ERC1: variants seen among roughly 807,000 people sequenced by gnomAD.
ERC1 encodes RAB6 interacting protein 2.
In ERC1, 56 loss-of-function variants were observed where a neutral mutation model predicts 132.0. That is an observed-to-expected ratio of 0.42 (90% CI 0.34 to 0.53). The LOEUF (loss-of-function observed/expected upper bound fraction) is 0.53. Ranked by LOEUF, ERC1 falls within the 20% of genes least tolerant of loss-of-function variation. The pLI is 0.03. For missense variants in ERC1, 1,202 were observed against 1,349.9 expected, an observed-to-expected ratio of 0.89 and a Z score of 1.72; for synonymous variants, 478 against 476.1, an observed-to-expected ratio of 1.00 and a Z score of -0.05.
At chr12:1,466,026 T>A (rs919822837) in intron 18 of ERC1, among the ~76,000 whole-genome samples, 1 of 152,162 alleles carries the variant, frequency 6.6e-6, no homozygotes, top group East Asian at 1.9e-4. Context: ...CCTTCCAGTG[T>A]ATAAACTGAT....
chr12:1,153,439 A>G (rs972932594), intron 8 of ERC1, among the ~76,000 whole-genome samples: 2 of 152,220 alleles, frequency 1.3e-5, no homozygotes, highest in African/African-American at 4.8e-5. Context: ...TTCCCATCCT[A>G]TTCCAAAGAG....
intron 8 of ERC1, among the ~76,000 whole-genome samples, chr12:1,165,036 G>A (rs1267957015): frequency 6.6e-6 from 1 of 152,134 alleles, no homozygotes; most frequent in Non-Finnish European, 1.5e-5. Context: ...CAACTTAAGA[G>A]TTGTTTTACC....
intron 6 of ERC1, among the ~76,000 whole-genome samples, chr12:1,113,681 G>A (rs1946135256): frequency 6.6e-6 from 1 of 152,192 alleles, no homozygotes; most frequent in South Asian, 2.1e-4. Flanking sequence ...CCATATATTG[G>A]CTAGAGGGAA....
At chr12:1,275,731 A>G (rs1189055927) in intron 14 of ERC1, among the ~76,000 whole-genome samples, 3 of 152,288 alleles carry the variant, frequency 2.0e-5, no homozygotes, top group African/African-American at 7.2e-5. Flanking sequence ...TGTTGCTATA[A>G]AGGAATTACC....
chr12:1,455,922 G>T (rs143016261), intron 18 of ERC1, among the ~76,000 whole-genome samples: 3 of 152,122 alleles, frequency 2.0e-5, no homozygotes, highest in Non-Finnish European at 4.4e-5. Context: ...AAGATGCGAC[G>T]GAGTGGGAAA....
intron 17 of ERC1, among the ~76,000 whole-genome samples, chr12:1,415,783 G>A (rs922326860): frequency 5.9e-5 from 9 of 152,224 alleles, no homozygotes; most frequent in African/African-American, 2.2e-4. Context: ...TTTCAGAAGT[G>A]GATCAGAGAT....
chr12:1,068,826 C>T (rs561002416), intron 2 of ERC1, among the ~76,000 whole-genome samples: 3 of 152,222 alleles, frequency 2.0e-5, no homozygotes, highest in Non-Finnish European at 2.9e-5. Context: ...CTCATTGGAG[C>T]ATTGCATAGT....
intron 2 of ERC1, among the ~76,000 whole-genome samples, chr12:1,081,781 A>G (rs1332552031): frequency 2.0e-5 from 3 of 152,152 alleles, no homozygotes; most frequent in African/African-American, 4.8e-5. Flanking sequence ...GATGTATAAC[A>G]TTGTACCTGT....
intron 7 of ERC1, among the ~76,000 whole-genome samples, chr12:1,129,703 A>G (rs184932456): frequency 1.3e-5 from 2 of 152,338 alleles, no homozygotes; most frequent in East Asian, 3.9e-4. Flanking sequence ...CTGAACTCTC[A>G]TCATTCTTCA....
chr12:1,365,461 A>G (rs1007834972), intron 15 of ERC1, among the ~76,000 whole-genome samples: 3 of 152,236 alleles, frequency 2.0e-5, no homozygotes, highest in Admixed American at 2.0e-4. Flanking sequence ...AGATACATTC[A>G]TTATGAGCCT....
intron 16 of ERC1, among the ~76,000 whole-genome samples, chr12:1,384,059 A>G (rs1222292480): frequency 6.6e-6 from 1 of 152,236 alleles, no homozygotes; most frequent in East Asian, 1.9e-4. Flanking sequence ...ATGTGTTACC[A>G]TCATTACAGC....
intron 18 of ERC1, among the ~76,000 whole-genome samples, chr12:1,484,553 T>C (rs1024020146): frequency 6.6e-6 from 1 of 151,844 alleles, no homozygotes; most frequent in Non-Finnish European, 1.5e-5. Context: ...ATATTTCTTG[T>C]TCGTTTGTTT....
intron 14 of ERC1, among the ~76,000 whole-genome samples, chr12:1,277,631 A>G (rs2078364861): frequency 6.6e-6 from 1 of 152,200 alleles, no homozygotes; most frequent in African/African-American, 2.4e-5. Flanking sequence ...ACAGATACAA[A>G]CGTTATTCAG....
At chr12:1,191,478 G>A (rs1045355199) in intron 12 of ERC1, among the ~76,000 whole-genome samples, 6 of 152,182 alleles carry the variant, frequency 3.9e-5, no homozygotes, top group African/African-American at 1.4e-4. Context: ...GAAATTCCTT[G>A]AATAAGTTTT....
At chr12:1,328,985 T>TAAA (rs113967541) in intron 15 of ERC1, among the ~76,000 whole-genome samples, 2 of 86,770 alleles carry the variant, frequency 2.3e-5, no homozygotes, top group East Asian at 3.5e-4. Flanking sequence ...TAAAAGTTAC[T>TAAA]AAAAAAAAAA....
intron 13 of ERC1, among the ~76,000 whole-genome samples, chr12:1,254,969 G>A (rs2076698567): frequency 6.8e-6 from 1 of 147,726 alleles, no homozygotes; most frequent in South Asian, 2.1e-4. Context: ...AATACTTTAA[G>A]TTCTGGGTTT....
chr12:1,323,387 T>C (rs1566587117), intron 15 of ERC1, among the ~76,000 whole-genome samples: 1 of 152,220 alleles, frequency 6.6e-6, no homozygotes, highest in African/African-American at 2.4e-5. Context: ...AAATAACTTC[T>C]TACATTTACA....
chr12:1,185,896 A>G (rs1955038386), intron 11 of ERC1, among the ~76,000 whole-genome samples: 1 of 152,026 alleles, frequency 6.6e-6, no homozygotes, highest in Non-Finnish European at 1.5e-5. Context: ...CTTTGCTTTT[A>G]TTTCCACCAT....
rs201961985 is a variant in ERC1 at position 1,405,305 on chromosome 12, T to C, written c.2926-2844T>C. Among the ~76,000 whole-genome samples the C allele has an allele frequency of 6.7e-4, 101 of 149,894 alleles. 5 individuals are homozygous for C. The East Asian group carries it at 0.014, about 21-fold the overall frequency. ...AATTTATTAATCGGTTTTTTTTTTTTCTATCGTTATGTACTGGAGGGAGGA... is the reference window on the plus strand; with the variant it reads ...AATTTATTAATCGGTTTTTTTTTTTCCTATCGTTATGTACTGGAGGGAGGA... On this transcript the variant is annotated intron_variant, in intron 16 of 18. Transcript: ENST00000360905.
Sources: gnomAD v4.1 joint callset for allele counts (sites outside exome capture counted in the v4.1 genomes callset) on GRCh38, gnomAD v4.1.1 for gene constraint, MANE v1.5 for transcripts, NCBI Gene and HGNC (gene_info 2026-07-23, HGNC 2026-07-21) for gene names.